The following NLGN1 variants were observed in gnomAD, a reference collection of about 807,000 sequenced individuals.
NLGN1 encodes neuroligin 1.
In NLGN1, 12 loss-of-function variants were observed where a neutral mutation model predicts 65.5. The ratio of observed to expected loss-of-function variants is 0.18; its 90% confidence interval spans 0.12 to 0.30. NLGN1 has a LOEUF of 0.30. Ranked by LOEUF, NLGN1 falls within the 10% of genes least tolerant of loss-of-function variation. The pLI, the probability that NLGN1 is intolerant of heterozygous loss-of-function variation, is 1.00. For missense variants in NLGN1, 750 were observed against 1,007.1 expected (o/e 0.74, Z 3.46); for synonymous variants, 350 against 359.5 (o/e 0.97, Z 0.30).
chr3:173,536,054 A>C (rs1396485923), intron 2 of NLGN1, among the ~76,000 whole-genome samples: 1 of 152,284 alleles, frequency 6.6e-6, no homozygotes, highest in South Asian at 2.1e-4. Context: ...GTATAAACCA[A>C]GTTGCCTCTT....
intron 4 of NLGN1, among the ~76,000 whole-genome samples, chr3:174,232,640 G>A (rs1313146845): frequency 2.6e-5 from 4 of 152,164 alleles, no homozygotes; most frequent in African/African-American, 4.8e-5. Flanking sequence ...AATGTGGCCG[G>A]AAACAGGTAA....
At chr3:173,967,647 T>G (rs909628748) in intron 4 of NLGN1, among the ~76,000 whole-genome samples, 37 of 152,146 alleles carry the variant, frequency 2.4e-4, no homozygotes, top group African/African-American at 8.4e-4. Context: ...AATTTTTACT[T>G]CTTATTTTCA....
intron 4 of NLGN1, among the ~76,000 whole-genome samples, chr3:174,163,948 T>A (rs1727044165): frequency 6.6e-6 from 1 of 152,042 alleles, no homozygotes; most frequent in South Asian, 2.1e-4. Context: ...ATATGTATAC[T>A]CAGTAATGGG....
intron 2 of NLGN1, among the ~76,000 whole-genome samples, chr3:173,554,653 A>G (rs114476323): frequency 2.4e-4 from 36 of 152,310 alleles, no homozygotes; most frequent in African/African-American, 7.5e-4. Flanking sequence ...GTATTCCACA[A>G]TTTATCAGTT....
intron 2 of NLGN1, among the ~76,000 whole-genome samples, chr3:173,469,744 C>T (rs1241331302): frequency 6.6e-6 from 1 of 151,998 alleles, no homozygotes; most frequent in Non-Finnish European, 1.5e-5. Flanking sequence ...ATCAAGCAAT[C>T]TATCCTTATT....
intron 3 of NLGN1, among the ~76,000 whole-genome samples, chr3:173,621,794 G>A (rs1054974285): frequency 1.3e-5 from 2 of 152,164 alleles, no homozygotes; most frequent in Admixed American, 6.6e-5. Context: ...ATGGTTGGGA[G>A]GAAGGTGATG....
intron 3 of NLGN1, among the ~76,000 whole-genome samples, chr3:173,759,744 G>A (rs1242601159): frequency 6.6e-6 from 1 of 151,596 alleles, no homozygotes; most frequent in African/African-American, 2.4e-5. Context: ...TTTTTCTTTG[G>A]CCCAGTTTTC....
At chr3:173,645,331 G>A (rs77975900) in intron 3 of NLGN1, among the ~76,000 whole-genome samples, 6,425 of 152,234 alleles carry the variant, frequency 0.042, 449 homozygotes, top group African/African-American at 0.14. Flanking sequence ...GGGGGCCCCC[G>A]TAGTGCTGGA....
downstream of NLGN1, among the ~76,000 whole-genome samples, chr3:174,289,332 T>G (rs927642871): frequency 4.0e-5 from 6 of 151,408 alleles, no homozygotes; most frequent in Admixed American, 4.0e-4. Flanking sequence ...CTATTATATA[T>G]GAGTTACTGA....
chr3:173,791,392 G>A (rs375787579), intron 3 of NLGN1, among the ~76,000 whole-genome samples: 37 of 151,826 alleles, frequency 2.4e-4, no homozygotes, highest in Middle Eastern at 3.4e-3. Context: ...TATTTATTCC[G>A]CACACCACCC....
chr3:174,258,867 A>C (rs1432639769), intron 4 of NLGN1, among the ~76,000 whole-genome samples: 1 of 152,100 alleles, frequency 6.6e-6, no homozygotes, highest in East Asian at 1.9e-4. Context: ...AGGGAGGAAA[A>C]GGAAGGAAGG....
chr3:173,680,771 A>G (rs1272633476), intron 3 of NLGN1, among the ~76,000 whole-genome samples: 2 of 152,204 alleles, frequency 1.3e-5, no homozygotes, highest in Non-Finnish European at 2.9e-5. Context: ...AAACTGAAGT[A>G]ACTTTGGGAG....
intron 4 of NLGN1, among the ~76,000 whole-genome samples, chr3:174,188,824 T>C (rs1731871968): frequency 6.6e-6 from 1 of 151,976 alleles, no homozygotes; most frequent in Non-Finnish European, 1.5e-5. Context: ...TGCTTGCCCA[T>C]GTTTACAGAA....
At chr3:173,788,947 C>T (rs1022897855) in intron 3 of NLGN1, among the ~76,000 whole-genome samples, 4 of 151,250 alleles carry the variant, frequency 2.6e-5, no homozygotes, top group African/African-American at 9.7e-5. Context: ...CCTGTAATCC[C>T]AGCACTTTGG....
intron 3 of NLGN1, among the ~76,000 whole-genome samples, chr3:173,620,480 A>G (rs1326478675): frequency 6.6e-6 from 1 of 152,124 alleles, no homozygotes; most frequent in Non-Finnish European, 1.5e-5. Context: ...AAGGCAGGAT[A>G]GGGAAGACAG....
At position 174,219,691 on chromosome 3, in the gene NLGN1, G is replaced by A. The variant is rs1196793902; in HGVS notation, c.647-55624G>A. On this transcript the variant is annotated intron_variant, in intron 4 of 6. Transcript: ENST00000457714. ...GAAAGCAGGTTGGTGTGTGTTCACC[G>A]TTGTATCCCCAATAGTCCAATGCCT... Among the ~76,000 whole-genome samples, 6 of 152,236 alleles carry A rather than the reference G, an allele frequency of 3.9e-5. 1 individual carries two copies. Among genetic ancestry groups the A allele is most frequent in the Admixed American group, 2.6e-4 (4 of 15,284 alleles).
At chr3:173,430,092 G>C (rs1196743528) in intron 1 of NLGN1, among the ~76,000 whole-genome samples, 1 of 152,180 alleles carries the variant, frequency 6.6e-6, no homozygotes, top group South Asian at 2.1e-4. Context: ...TGACGAAACT[G>C]TCTGTCTTCC....
At chr3:173,985,307 C>T (rs1353992567) in intron 4 of NLGN1, among the ~76,000 whole-genome samples, 1 of 152,142 alleles carries the variant, frequency 6.6e-6, no homozygotes, top group Non-Finnish European at 1.5e-5. Context: ...TGGAGTCATT[C>T]TGTGTGAGAT....
chr3:174,145,408 A>C (rs2152694561), intron 4 of NLGN1, among the ~76,000 whole-genome samples: 1 of 152,076 alleles, frequency 6.6e-6, no homozygotes, highest in African/African-American at 2.4e-5. Flanking sequence ...AGTTACTCAG[A>C]AGGCTGAGGC....
Sources: allele counts gnomAD v4.1 joint callset (sites outside exome capture counted in the v4.1 genomes callset), GRCh38; gene constraint gnomAD v4.1.1; transcripts MANE v1.5; gene names NCBI Gene and HGNC (gene_info 2026-07-23, HGNC 2026-07-21).